The following CNTN5 variants were observed in gnomAD, a reference collection of about 807,000 sequenced individuals.
CNTN5 encodes contactin 5.
In CNTN5, 77 loss-of-function variants were observed where a neutral mutation model predicts 129.1. That is an observed-to-expected ratio of 0.60 (90% CI 0.50 to 0.72). The LOEUF (loss-of-function observed/expected upper bound fraction) is 0.72, where lower values mean the gene tolerates loss of function less well. Ranked by LOEUF, CNTN5 falls within the 30% of genes least tolerant of loss-of-function variation. The pLI is 0.00. For synonymous variants in CNTN5, 509 were observed against 465.6 expected (o/e 1.09, Z -1.20); for missense variants, 1,478 against 1,328.8 (o/e 1.11, Z -1.75).
chr11:100,097,718 G>A (rs1279679518), intron 13 of CNTN5, among the ~76,000 whole-genome samples: 1 of 152,036 alleles, frequency 6.6e-6, no homozygotes, highest in African/African-American at 2.4e-5. Context: ...GAGATAAAAG[G>A]TTCTTTAGAA....
intron 2 of CNTN5, among the ~76,000 whole-genome samples, chr11:99,373,958 A>C (rs1223292370): frequency 6.6e-6 from 1 of 152,174 alleles, no homozygotes; most frequent in Non-Finnish European, 1.5e-5. Context: ...ATTACATATC[A>C]AATCAAATAA....
chr11:100,269,123 TG>T (rs1189689233), intron 17 of CNTN5, among the ~76,000 whole-genome samples: 1 of 151,904 alleles, frequency 6.6e-6, no homozygotes, highest in Non-Finnish European at 1.5e-5. Context: ...CGTAGTCAGG[TG>T]GGAGAGAAAC....
chr11:100,316,069 G>C (rs1196656375), intron 21 of CNTN5, among the ~76,000 whole-genome samples: 1 of 152,114 alleles, frequency 6.6e-6, no homozygotes, highest in African/African-American at 2.4e-5. Context: ...CCTGTGTATG[G>C]TAATCTCTGA....
intron 2 of CNTN5, among the ~76,000 whole-genome samples, chr11:99,429,837 T>A (rs1943290273): frequency 6.6e-6 from 1 of 151,884 alleles, no homozygotes; most frequent in Non-Finnish European, 1.5e-5. Context: ...ACACTGAGAG[T>A]AGCCCCCGCC....
At chr11:99,451,206 C>T (rs1290320250) in intron 2 of CNTN5, among the ~76,000 whole-genome samples, 1 of 152,022 alleles carries the variant, frequency 6.6e-6, no homozygotes, top group Non-Finnish European at 1.5e-5. Flanking sequence ...TATCTAATAG[C>T]AATAACCTGG....
chr11:99,455,615 CA>C (rs903576616), intron 2 of CNTN5, among the ~76,000 whole-genome samples: 1 of 151,972 alleles, frequency 6.6e-6, no homozygotes, highest in African/African-American at 2.4e-5. Context: ...GGCAGGCCAC[CA>C]AATTCAATAC....
chr11:99,460,057 T>C (rs1302313532), intron 2 of CNTN5, among the ~76,000 whole-genome samples: 1 of 151,958 alleles, frequency 6.6e-6, no homozygotes, highest in Non-Finnish European at 1.5e-5. Flanking sequence ...CATAGAAATA[T>C]GCATTAGATA....
At chr11:99,589,232 G>A (rs955890247) in intron 3 of CNTN5, among the ~76,000 whole-genome samples, 1 of 152,086 alleles carries the variant, frequency 6.6e-6, no homozygotes, top group Admixed American at 6.5e-5. Context: ...TAACAAGATG[G>A]GAATAAGCCA....
In CNTN5 at chr11:99,415,376, C is replaced by T. The variant is rs1942608452; in HGVS notation, c.-71+89892C>T. ...GTGTGAGGAAGAAAACCCAGCAAGGCTTGTCTGTTCAGCTTCTTCTTGGCC... is the reference window on the plus strand; with the variant it reads ...GTGTGAGGAAGAAAACCCAGCAAGGTTTGTCTGTTCAGCTTCTTCTTGGCC... On this transcript the variant is annotated intron_variant, in intron 2 of 24. Coordinates refer to ENST00000524871, the MANE Select transcript of CNTN5 (RefSeq NM_014361.4). Among the ~76,000 whole-genome samples, 6 of 152,232 alleles carry T rather than the reference C, an allele frequency of 3.9e-5. 1 individual carries two copies. The Middle Eastern group carries it at 0.017, about 431-fold the overall frequency.
intron 2 of CNTN5, among the ~76,000 whole-genome samples, chr11:99,382,764 C>T (rs1236186143): frequency 4.2e-5 from 6 of 144,384 alleles, no homozygotes; most frequent in African/African-American, 1.5e-4. Flanking sequence ...CCATTTTTGA[C>T]AGAACTCAGT....
intron 17 of CNTN5, among the ~76,000 whole-genome samples, chr11:100,263,567 T>A (rs1458516368): frequency 6.6e-6 from 1 of 152,166 alleles, no homozygotes; most frequent in Non-Finnish European, 1.5e-5. Flanking sequence ...TAATTGCTCA[T>A]ATCAGCCTCA....
intron 18 of CNTN5, among the ~76,000 whole-genome samples, chr11:100,289,808 G>A (rs1406936645): frequency 1.3e-5 from 2 of 150,068 alleles, no homozygotes; most frequent in East Asian, 1.9e-4. Context: ...TAGGAAAAGA[G>A]GAAGTCAAAT....
chr11:100,288,417 C>T (rs1483535255), intron 18 of CNTN5, among the ~76,000 whole-genome samples: 1 of 152,152 alleles, frequency 6.6e-6, no homozygotes, highest in African/African-American at 2.4e-5. Context: ...ATCTCTCAGA[C>T]CACAGTGCAA....
intron 1 of CNTN5, among the ~76,000 whole-genome samples, chr11:99,241,994 G>A (rs2135760689): frequency 6.6e-6 from 1 of 152,074 alleles, no homozygotes. Flanking sequence ...AAATTATATT[G>A]TTAGATGACA....
At chr11:99,359,447 AAAC>A (rs1469464405) in intron 2 of CNTN5, among the ~76,000 whole-genome samples, 1 of 152,078 alleles carries the variant, frequency 6.6e-6, no homozygotes, top group East Asian at 1.9e-4. Flanking sequence ...AGGGGGACAC[AAAC>A]ATTCAGACCA....
chr11:99,725,927 C>A (rs1943321691), intron 3 of CNTN5, among the ~76,000 whole-genome samples: 1 of 152,042 alleles, frequency 6.6e-6, no homozygotes, highest in Non-Finnish European at 1.5e-5. Flanking sequence ...CTCCATTAGT[C>A]TTTTTAAAGA....
intron 8 of CNTN5, among the ~76,000 whole-genome samples, chr11:99,990,184 C>A (rs1327038522): frequency 6.6e-6 from 1 of 151,930 alleles, no homozygotes; most frequent in Non-Finnish European, 1.5e-5. Flanking sequence ...ATGGAAGGAG[C>A]CCTCAAATGA....
At chr11:99,548,930 T>G (rs973636036) in intron 2 of CNTN5, among the ~76,000 whole-genome samples, 5 of 152,180 alleles carry the variant, frequency 3.3e-5, no homozygotes, top group Admixed American at 6.5e-5. Flanking sequence ...ACATGTTGCC[T>G]CATCCCATTT....
At chr11:99,965,667 C>T (rs777641378) in intron 8 of CNTN5, among the ~76,000 whole-genome samples, 1 of 152,050 alleles carries the variant, frequency 6.6e-6, no homozygotes, top group Non-Finnish European at 1.5e-5. Context: ...CTGTAGATGT[C>T]TATTAGGTCT....
Sources: gnomAD v4.1 joint callset for allele counts (sites outside exome capture counted in the v4.1 genomes callset) on GRCh38, gnomAD v4.1.1 for gene constraint, MANE v1.5 for transcripts, NCBI Gene and HGNC (gene_info 2026-07-23, HGNC 2026-07-21) for gene names.